DLG2: variants seen among roughly 807,000 people sequenced by gnomAD.
The protein encoded by DLG2 is discs large MAGUK scaffold protein 2.
In DLG2, 45 loss-of-function variants were observed where a neutral mutation model predicts 132.5. The observed-to-expected ratio is 0.34, with a 90% CI of 0.27 to 0.44. DLG2 has a LOEUF of 0.44. DLG2 is among the 20% of genes least tolerant of loss of function. The pLI is 1.00. For missense variants in DLG2, 1,045 were observed against 1,196.9 expected, an observed-to-expected ratio of 0.87 and a Z score of 1.87; for synonymous variants, 424 against 419.6, an observed-to-expected ratio of 1.01 and a Z score of -0.13.
intron 11 of DLG2, among the ~76,000 whole-genome samples, chr11:84,027,853 C>G (rs1288100370): frequency 6.6e-6 from 1 of 151,898 alleles, no homozygotes; most frequent in Non-Finnish European, 1.5e-5. Flanking sequence ...TAATGTAGGT[C>G]TATTTAAAAT....
chr11:85,165,803 A>C (rs187007798), intron 4 of DLG2, among the ~76,000 whole-genome samples: 2 of 152,182 alleles, frequency 1.3e-5, no homozygotes, highest in African/African-American at 4.8e-5. Flanking sequence ...TGCAGTTTCC[A>C]TAAGGGCAGC....
intron 6 of DLG2, among the ~76,000 whole-genome samples, chr11:84,744,477 C>A (rs1469638724): frequency 6.6e-6 from 1 of 152,110 alleles, no homozygotes; most frequent in African/African-American, 2.4e-5. Flanking sequence ...GTGAATACAG[C>A]TTTTCAGGAA....
At chr11:85,345,727 C>A (rs1209491935) in intron 3 of DLG2, among the ~76,000 whole-genome samples, 1 of 151,998 alleles carries the variant, frequency 6.6e-6, no homozygotes, top group Non-Finnish European at 1.5e-5. Flanking sequence ...AAATTATTAC[C>A]CCCATTAGCC....
chr11:84,923,641 T>C, intron 6 of DLG2: 4 of 960,150 alleles, frequency 4.2e-6, no homozygotes, highest in Non-Finnish European at 5.0e-6. Context: ...CTGCACTATA[T>C]TCCAGGCTAT....
intron 6 of DLG2, among the ~76,000 whole-genome samples, chr11:84,860,274 C>T (rs539999108): frequency 8.5e-5 from 13 of 152,204 alleles, no homozygotes; most frequent in African/African-American, 3.1e-4. Context: ...CTGTAAACTC[C>T]TCAGGTATGA....
At chr11:84,815,834 G>C (rs1221904372) in intron 6 of DLG2, among the ~76,000 whole-genome samples, 4 of 152,032 alleles carry the variant, frequency 2.6e-5, no homozygotes, top group African/African-American at 7.2e-5. Flanking sequence ...TAAACATAGT[G>C]TGCCACCTCA....
chr11:85,067,560 G>C (rs1298471561), intron 6 of DLG2, among the ~76,000 whole-genome samples: 1 of 151,492 alleles, frequency 6.6e-6, no homozygotes, highest in African/African-American at 2.4e-5. Context: ...GTTCTCATTG[G>C]TTTCACCCTC....
In DLG2 at chr11:83,825,343, G is replaced by A. The variant is rs560951924; in HGVS notation, c.1722+8271C>T. On this transcript the variant is annotated intron_variant, in intron 17 of 27. Transcript: ENST00000376104. ...ATTATAGGCATGCACCACCACGTCC[G>A]GCTAATTTTGTATTTTTAGTAGAGA... is the stretch of plus-strand genomic sequence containing the variant. Among the ~76,000 whole-genome samples, 48 of 151,286 alleles carry A rather than the reference G, an allele frequency of 3.2e-4. 1 individual carries two copies. The highest frequency in any genetic ancestry group is 1.0e-3 in the African/African-American group (43 of 41,206).
At chr11:85,013,074 T>C (rs2059287553) in intron 6 of DLG2, among the ~76,000 whole-genome samples, 1 of 152,188 alleles carries the variant, frequency 6.6e-6, no homozygotes, top group Non-Finnish European at 1.5e-5. Context: ...GTATTTAATA[T>C]CAAATTGAAT....
At chr11:84,067,653 G>C (rs2096699477) in intron 10 of DLG2, among the ~76,000 whole-genome samples, 1 of 151,956 alleles carries the variant, frequency 6.6e-6, no homozygotes, top group Non-Finnish European at 1.5e-5. Flanking sequence ...AATTATGTCT[G>C]CCTGTTATCT....
chr11:84,608,722 C>G (rs1032646484), intron 6 of DLG2, among the ~76,000 whole-genome samples: 2 of 152,108 alleles, frequency 1.3e-5, no homozygotes, highest in African/African-American at 4.8e-5. Context: ...CTTCAGGTTG[C>G]CACTGAGATA....
chr11:84,878,636 A>C (rs2086797916), intron 6 of DLG2, among the ~76,000 whole-genome samples: 1 of 152,128 alleles, frequency 6.6e-6, no homozygotes, highest in Non-Finnish European at 1.5e-5. Flanking sequence ...AGCAAACTAC[A>C]TGGCACATTT....
chr11:85,156,107 G>A (rs1033660690), intron 4 of DLG2, among the ~76,000 whole-genome samples: 18 of 152,134 alleles, frequency 1.2e-4, no homozygotes, highest in Admixed American at 1.2e-3. Flanking sequence ...ATTGTGACAG[G>A]AGAGAAATTT....
chr11:85,499,723 C>T (rs897194697), intron 3 of DLG2, among the ~76,000 whole-genome samples: 1 of 152,154 alleles, frequency 6.6e-6, no homozygotes, highest in African/African-American at 2.4e-5. Flanking sequence ...CCAAATCCAG[C>T]AGCACAAAAA....
At chr11:83,553,722 CTATT>C (rs1264488934) in intron 19 of DLG2, among the ~76,000 whole-genome samples, 1 of 152,012 alleles carries the variant, frequency 6.6e-6, no homozygotes, top group Non-Finnish European at 1.5e-5. Context: ...TTCAGTAGCT[CTATT>C]TAACTGAATA....
chr11:84,459,917 G>A (rs1271292606), intron 7 of DLG2, among the ~76,000 whole-genome samples: 2 of 150,428 alleles, frequency 1.3e-5, no homozygotes, highest in Non-Finnish European at 3.0e-5. Context: ...AGCATAATAG[G>A]TATGACAACT....
rs1445581792 is a variant in DLG2, at chr11:83,598,531, G to A, written c.1940+34680C>T. Among the ~76,000 whole-genome samples, 6 of 152,102 alleles carry A rather than the reference G, an allele frequency of 3.9e-5. No homozygotes were observed. The South Asian group carries it at 1.2e-3, about 32-fold the overall frequency. On this transcript the variant is annotated intron_variant, in intron 19 of 27. Coordinates refer to ENST00000376104, the MANE Select transcript of DLG2 (RefSeq NM_001142699.3). Reference sequence around the variant, plus strand: ...TGATCTTCAAACATTGATTTCCTCTGTCCCAGCTTTAGGGTTGCTCATCTG... The same window carrying A: ...TGATCTTCAAACATTGATTTCCTCTATCCCAGCTTTAGGGTTGCTCATCTG...
intron 6 of DLG2, among the ~76,000 whole-genome samples, chr11:84,745,094 A>C (rs948888): frequency 0.48 from 72,094 of 151,706 alleles, 17,948 homozygotes; most frequent in Middle Eastern, 0.58. Flanking sequence ...ACTATTCTTG[A>C]ATCCATGAAA....
intron 16 of DLG2, among the ~76,000 whole-genome samples, chr11:83,836,001 A>G (rs529314255): frequency 4.1e-4 from 62 of 152,322 alleles, no homozygotes; most frequent in African/African-American, 1.5e-3. Context: ...GTGGAGGCTG[A>G]TAAGGCCCAG....
Sources: gnomAD v4.1 joint callset for allele counts (sites outside exome capture counted in the v4.1 genomes callset) on GRCh38, gnomAD v4.1.1 for gene constraint, MANE v1.5 for transcripts, NCBI Gene and HGNC (gene_info 2026-07-23, HGNC 2026-07-21) for gene names.